COLEC12: variants seen among roughly 807,000 people sequenced by gnomAD.
COLEC12 encodes the protein collectin subfamily member 12, also known as collectin-12.
Under a neutral mutation model 71.1 loss-of-function variants are expected in COLEC12, and 33 were observed. The ratio of observed to expected loss-of-function variants is 0.46; its 90% confidence interval spans 0.35 to 0.62. COLEC12 has a LOEUF of 0.62. COLEC12 is among the 20% of genes least tolerant of loss of function. COLEC12 has a pLI of 0.00. For missense variants in COLEC12, 765 were observed against 916.1 expected, an observed-to-expected ratio of 0.84 and a Z score of 2.13; for synonymous variants, 350 against 353.0, an observed-to-expected ratio of 0.99 and a Z score of 0.10.
intron 2 of COLEC12, among the ~76,000 whole-genome samples, chr18:475,989 T>C (rs1179021574): frequency 2.0e-5 from 3 of 152,206 alleles, no homozygotes; most frequent in African/African-American, 7.2e-5. Context: ...CTTGCTAATC[T>C]GCAACTATTT....
intron 5 of COLEC12, among the ~76,000 whole-genome samples, chr18:341,733 C>A (rs1433734395): frequency 6.6e-6 from 1 of 152,186 alleles, no homozygotes; most frequent in Admixed American, 6.5e-5. Context: ...TATATTACAT[C>A]TTTGGATCCT....
At chr18:401,356 G>A (rs561231437) in intron 2 of COLEC12, among the ~76,000 whole-genome samples, 249 of 152,250 alleles carry the variant, frequency 1.6e-3, no homozygotes, top group African/African-American at 5.7e-3. Context: ...TAATTCCTCT[G>A]TAAAATCTCC....
At chr18:322,112 T>G (rs1303985117) in intron 8 of COLEC12, among the ~76,000 whole-genome samples, 4 of 152,040 alleles carry the variant, frequency 2.6e-5, no homozygotes. Flanking sequence ...GATGAATAAC[T>G]TTCTAATGTG....
chr18:405,547 TA>T (rs1055606870), intron 2 of COLEC12, among the ~76,000 whole-genome samples: 4 of 152,248 alleles, frequency 2.6e-5, no homozygotes, highest in African/African-American at 7.2e-5. Context: ...GGCTGACACT[TA>T]TAGAAAATAG....
chr18:375,168 G>A (rs1915085941), intron 2 of COLEC12, among the ~76,000 whole-genome samples: 1 of 152,162 alleles, frequency 6.6e-6, no homozygotes, highest in African/African-American at 2.4e-5. Flanking sequence ...TCTTCTGGGA[G>A]CTTCTCCTCT....
intron 2 of COLEC12, among the ~76,000 whole-genome samples, chr18:361,422 T>C (rs942389887): frequency 5.3e-5 from 8 of 152,186 alleles, no homozygotes; most frequent in African/African-American, 1.9e-4. Context: ...TCCTCTTCCA[T>C]TCCCACTGGA....
intron 2 of COLEC12, among the ~76,000 whole-genome samples, chr18:429,221 G>GT (rs981456692): frequency 5.4e-5 from 8 of 146,944 alleles, no homozygotes; most frequent in East Asian, 1.9e-4. Context: ...GTTTTGATTT[G>GT]TTTTTTTAAC....
At chr18:406,401 C>T (rs374059357) in intron 2 of COLEC12, among the ~76,000 whole-genome samples, 53 of 149,930 alleles carry the variant, frequency 3.5e-4, no homozygotes, top group South Asian at 2.4e-3. Flanking sequence ...CCCAGCTACT[C>T]GGGAGGCTGA....
At position 399,924 on chromosome 18, in the gene COLEC12, A is replaced by C. The variant is rs563230304; in HGVS notation, c.59-42402T>G. On this transcript the variant is annotated intron_variant, in intron 2 of 9. Transcript: ENST00000400256. This position sits in a 1 kb window ranked among gnomAD's most constrained non-coding sequence, Gnocchi z 4.0. ...CAGTTTTTGGCTTGATCCTCAGACA[A>C]CGCTTGTTAAAGGGTGGTGGGGGCG... 1.2e-3 allele frequency among the ~76,000 whole-genome samples: 180 copies of C among 151,646 alleles called. 1 individual carries two copies. The highest frequency in any genetic ancestry group is 1.3e-3 in the Admixed American group (20 of 15,230).
chr18:460,452 TTA>T (rs1428554140), intron 2 of COLEC12, among the ~76,000 whole-genome samples: 1 of 152,192 alleles, frequency 6.6e-6, no homozygotes, highest in Non-Finnish European at 1.5e-5. Flanking sequence ...TCAAGCTAAA[TTA>T]TGTTACCTGA....
intron 2 of COLEC12, among the ~76,000 whole-genome samples, chr18:390,893 C>A (rs1209736665): frequency 6.6e-6 from 1 of 151,374 alleles, no homozygotes; most frequent in South Asian, 2.1e-4. Context: ...AGCAAGCACA[C>A]GGGCACAGGG....
chr18:457,383 C>T (rs557835992), intron 2 of COLEC12, among the ~76,000 whole-genome samples: 3 of 152,268 alleles, frequency 2.0e-5, no homozygotes, highest in Admixed American at 1.3e-4. Flanking sequence ...GATTTAACAC[C>T]CTCCCTGGGG....
intron 2 of COLEC12, among the ~76,000 whole-genome samples, chr18:441,057 G>A (rs904344556): frequency 6.7e-6 from 1 of 148,590 alleles, no homozygotes; most frequent in African/African-American, 2.5e-5. Flanking sequence ...GACCATCCTG[G>A]CTAACACAGT....
In COLEC12 at chr18:346,149, C is replaced by T; in HGVS notation, c.1327+146G>A. The T allele has an allele frequency of 1.6e-6, 1 of 640,858 alleles. No individual in the cohort carries two copies. Among genetic ancestry groups the T allele is most frequent in the Non-Finnish European group, 2.7e-6 (1 of 373,564 alleles). 39.7% of individuals were successfully genotyped at this position (640,858 alleles called of 1,614,324 possible). ...CTCATGAAAAACAGTGAGTCAGGAC[C>T]ATCTAGCTAAGCTGCTCTTGAATTC... is the stretch of plus-strand genomic sequence containing the variant. On this transcript the variant is annotated intron_variant, in intron 5 of 9. Transcript: ENST00000400256. The surrounding 1 kb of genome is among the most constrained non-coding windows in gnomAD (Gnocchi z 4.0).
intron 2 of COLEC12, among the ~76,000 whole-genome samples, chr18:427,912 G>A (rs992918581): frequency 5.3e-5 from 8 of 151,972 alleles, no homozygotes; most frequent in South Asian, 2.1e-4. Context: ...GTTTATCATC[G>A]TTTAAAAACA....
intron 2 of COLEC12, among the ~76,000 whole-genome samples, chr18:461,085 T>C (rs891158326): frequency 6.6e-6 from 1 of 152,196 alleles, no homozygotes; most frequent in African/African-American, 2.4e-5. Context: ...ATGAAAATAA[T>C]TGCTAATAAT....
At chr18:383,369 G>A (rs1052256741) in intron 2 of COLEC12, among the ~76,000 whole-genome samples, 3 of 152,082 alleles carry the variant, frequency 2.0e-5, no homozygotes, top group Non-Finnish European at 2.9e-5. Context: ...GCAATGAGAT[G>A]GAGGTGAGGA....
At chr18:337,021 C>CTTT (rs71363208) in intron 5 of COLEC12, among the ~76,000 whole-genome samples, 1 of 144,966 alleles carries the variant, frequency 6.9e-6, no homozygotes, top group Non-Finnish European at 1.5e-5. Flanking sequence ...ACATTGCCTG[C>CTTT]TTTTTTTTTT....
chr18:479,209 G>C (rs535041193), intron 2 of COLEC12, among the ~76,000 whole-genome samples: 1 of 151,960 alleles, frequency 6.6e-6, no homozygotes, highest in African/African-American at 2.4e-5. Flanking sequence ...CGTCCCCCCC[G>C]GGAAAGAACA....
Sources: gnomAD v4.1 joint callset for allele counts (sites outside exome capture counted in the v4.1 genomes callset) on GRCh38, gnomAD v4.1.1 for gene constraint, Gnocchi (gnomAD v3.1) non-coding constraint, MANE v1.5 for transcripts, NCBI Gene and HGNC (gene_info 2026-07-23, HGNC 2026-07-21) for gene names.